Variants in IGFBP2 observed in about 807,000 individuals in gnomAD.
IGFBP2 encodes the protein insulin-like growth factor-binding protein 2.
IGFBP2 carries 12 observed loss-of-function variants against 26.2 expected under a neutral mutation model. That is an observed-to-expected ratio of 0.46 (90% confidence interval 0.29 to 0.74). The LOEUF (loss-of-function observed/expected upper bound fraction) is 0.74, where lower values mean the gene tolerates loss of function less well. Among genes scored for constraint, IGFBP2 ranks in the 30% least tolerant of loss-of-function variants. The probability of loss-of-function intolerance (pLI) is 0.09; values close to 1 mark genes in which losing one functional copy is unlikely to be tolerated. For missense variants in IGFBP2, 328 were observed against 441.2 expected, an observed-to-expected ratio of 0.74 and a Z score of 2.30; for synonymous variants, 189 against 200.6, an observed-to-expected ratio of 0.94 and a Z score of 0.49.
chr2:216,664,088 C>A lies in IGFBP2; in HGVS notation c.962C>A (p.Thr321Asn). Reference sequence around the variant, plus strand: ...CAGCAGGAGGCTCGCGGGGTGCACACCCAGCGGATGCAGTAGACCGCAGCC... The same window carrying A: ...CAGCAGGAGGCTCGCGGGGTGCACAACCAGCGGATGCAGTAGACCGCAGCC... ...NEQQEARGVHTQRMQ is the reference protein window; with the variant it reads ...NEQQEARGVHNQRMQ Residue 321 changes from threonine (T) to asparagine (N), a missense_variant, in exon 4 of 4, where the codon ACC (threonine) becomes AAC (asparagine). Transcript: ENST00000233809. The surrounding 1 kb of genome is among the most constrained non-coding windows in gnomAD (Gnocchi z 4.6). 6.2e-7 allele frequency: 1 copy of A among 1,609,374 alleles called. No individual in the cohort carries two copies. The highest frequency in any genetic ancestry group is 8.5e-7 in the Non-Finnish European group (1 of 1,178,142).
chr2:216,647,054 C>T (rs1697724319), intron 1 of IGFBP2, among the ~76,000 whole-genome samples: 1 of 152,204 alleles, frequency 6.6e-6, no homozygotes, highest in Admixed American at 6.5e-5. Context: ...GAAACCAAGG[C>T]AGCAGAGATG....
chr2:216,647,518 T>G (rs559553057), intron 1 of IGFBP2, among the ~76,000 whole-genome samples: 2 of 152,032 alleles, frequency 1.3e-5, no homozygotes, highest in Non-Finnish European at 2.9e-5. Context: ...TTTTATTTAT[T>G]TATTTATTTT....
At chr2:216,661,418 G>A (rs919993044) in intron 2 of IGFBP2, 1 of 314,368 alleles carries the variant, frequency 3.2e-6, no homozygotes, top group African/African-American at 2.2e-5. Flanking sequence ...ACTCAGTCTT[G>A]TTGCCATATG....
chr2:216,648,309 C>T (rs145286587), intron 1 of IGFBP2, among the ~76,000 whole-genome samples: 1 of 152,218 alleles, frequency 6.6e-6, no homozygotes, highest in Non-Finnish European at 1.5e-5. Flanking sequence ...ATCTTGATTA[C>T]TTCATCTTCC....
intron 1 of IGFBP2, among the ~76,000 whole-genome samples, chr2:216,659,932 A>T (rs1698000785): frequency 6.6e-6 from 1 of 151,704 alleles, no homozygotes; most frequent in South Asian, 2.1e-4. Flanking sequence ...GTACACAGTG[A>T]CAGCAGGGGG....
At chr2:216,657,765 T>C (rs756074815) in intron 1 of IGFBP2, among the ~76,000 whole-genome samples, 11 of 152,318 alleles carry the variant, frequency 7.2e-5, no homozygotes, top group Non-Finnish European at 1.5e-4. Context: ...CCGGTGGTGC[T>C]GGGCTGCCGG....
rs1261646150 is a variant in IGFBP2, at chr2:216,633,607, T to TGGCGGC, written c.93_98dup (p.Gly32_Gly33dup). The TGGCGGC allele has an allele frequency of 1.5e-5, 15 of 976,098 alleles. No homozygotes were observed. Among genetic ancestry groups the TGGCGGC allele is most frequent in the Non-Finnish European group, 1.8e-5 (15 of 823,662 alleles). The allele number at this position is 976,098 out of a possible 1,614,324, so 60.5% of individuals were successfully genotyped here. ...TGCTGCTGCTGCTACTGGGCGCGAG[T>TGGCGGC]GGCGGCGGCGGCGGGGCGCGCGCGG... On this transcript the variant is annotated inframe_insertion, in exon 1 of 4. Transcript: ENST00000233809.
At chr2:216,634,368 G>C (rs1697450631) in intron 1 of IGFBP2, among the ~76,000 whole-genome samples, 1 of 152,108 alleles carries the variant, frequency 6.6e-6, no homozygotes, top group Non-Finnish European at 1.5e-5. Context: ...ATCGCTGCTG[G>C]GAGGCGGAGG....
intron 1 of IGFBP2, among the ~76,000 whole-genome samples, chr2:216,647,555 T>G (rs1234687054): frequency 2.0e-5 from 3 of 152,238 alleles, no homozygotes; most frequent in African/African-American, 7.2e-5. Flanking sequence ...AGTCCCCCTG[T>G]TATGCCCAGG....
intron 3 of IGFBP2, chr2:216,663,543 T>G: frequency 5.8e-6 from 1 of 173,610 alleles, no homozygotes. Flanking sequence ...CACACACTGA[T>G]TTTGATTGCA....
At position 216,633,529 on chromosome 2, in the gene IGFBP2, G is replaced by A; in HGVS notation, c.6G>A (p.Leu2=). The change falls in exon 1 of 4, where the codon CTG becomes CTA. Residue 2 remains leucine (L), a synonymous_variant. Coordinates refer to ENST00000233809, the MANE Select transcript of IGFBP2 (RefSeq NM_000597.3). M[L]PRVGCPALPL... is the part of the protein sequence containing the mutation. ...CCGCGCTGCCGACCGCCAGCATGCT[G>A]CCGAGAGTGGGCTGCCCCGCGCTGC... The A allele has an allele frequency of 2.3e-6, 2 of 865,346 alleles. No homozygotes were observed. Among genetic ancestry groups the A allele is most frequent in the South Asian group, 5.0e-5 (1 of 20,160 alleles). 53.6% of individuals were successfully genotyped at this position (865,346 alleles called of 1,614,324 possible). A position where few individuals can be genotyped will look rare whatever the true frequency, so the allele number is the denominator to read the frequency against.
rs985961438 is a variant in IGFBP2 at position 216,664,247 on chromosome 2, G to A, written c.*143G>A. 10 of 616,726 alleles carry A rather than the reference G, an allele frequency of 1.6e-5. No individual in the cohort carries two copies. The highest frequency in any genetic ancestry group is 1.1e-4 in the Admixed American group (3 of 28,086). 38.2% of individuals were successfully genotyped at this position (616,726 alleles called of 1,614,324 possible). A position where few individuals can be genotyped will look rare whatever the true frequency, so the allele number is the denominator to read the frequency against. On this transcript the variant is annotated 3_prime_UTR_variant, in exon 4 of 4. Transcript: ENST00000233809. The surrounding 1 kb of genome is among the most constrained non-coding windows in gnomAD (Gnocchi z 4.6). ...TTATATTTGGAAAGAGACCAGCACC[G>A]AGCTCGGCACCTCCCCGGCCTCTCT...
At chr2:216,657,919 T>G (rs990837731) in intron 1 of IGFBP2, among the ~76,000 whole-genome samples, 2 of 152,192 alleles carry the variant, frequency 1.3e-5, no homozygotes, top group African/African-American at 4.8e-5. Flanking sequence ...TTTTTTTTCC[T>G]GGAGTTCAAC....
intron 3 of IGFBP2, chr2:216,663,218 GAA>G (rs1688694483): frequency 6.6e-6 from 1 of 152,220 alleles, no homozygotes; most frequent in Non-Finnish European, 1.5e-5. Context: ...GAGCTCAGAA[GAA>G]AAAGTCTCGA....
chr2:216,644,678 T>G (rs1001611094), intron 1 of IGFBP2, among the ~76,000 whole-genome samples: 1 of 152,204 alleles, frequency 6.6e-6, no homozygotes, highest in African/African-American at 2.4e-5. Flanking sequence ...ACAAAATGGC[T>G]TTGTTCTAGA....
chr2:216,645,385 C>G (rs186042277), intron 1 of IGFBP2, among the ~76,000 whole-genome samples: 5 of 152,160 alleles, frequency 3.3e-5, no homozygotes, highest in African/African-American at 1.2e-4. Flanking sequence ...AAAGGTCTTG[C>G]TTGAGAGTCT....
chr2:216,651,719 T>C (rs1248055134), intron 1 of IGFBP2, among the ~76,000 whole-genome samples: 2 of 152,356 alleles, frequency 1.3e-5, no homozygotes, highest in East Asian at 3.9e-4. Flanking sequence ...ATGGCAGATA[T>C]AACTTTTATT....
intron 1 of IGFBP2, among the ~76,000 whole-genome samples, chr2:216,635,832 C>CT (rs1697483745): frequency 1.3e-5 from 2 of 151,998 alleles, no homozygotes; most frequent in African/African-American, 4.8e-5. Context: ...GATTTTCTGC[C>CT]TGGTTATGGG....
intron 1 of IGFBP2, among the ~76,000 whole-genome samples, chr2:216,639,079 C>T (rs1697562175): frequency 6.8e-6 from 1 of 147,904 alleles, no homozygotes; most frequent in Non-Finnish European, 1.5e-5. Flanking sequence ...GTCGCCCAGC[C>T]TGGAGTGCAG....
Sources: gnomAD v4.1 joint callset for allele counts (sites outside exome capture counted in the v4.1 genomes callset) on GRCh38, gnomAD v4.1.1 for gene constraint, Gnocchi (gnomAD v3.1) non-coding constraint, MANE v1.5 for transcripts, NCBI Gene and HGNC (gene_info 2026-07-23, HGNC 2026-07-21) for gene names.